UPP2: variants seen among roughly 807,000 people sequenced by gnomAD.
The protein encoded by UPP2 is UPase 2.
A neutral mutation model predicts 26.7 loss-of-function variants in UPP2; 23 were observed. The observed-to-expected ratio is 0.86, with a 90% CI of 0.62 to 1.22. UPP2 has a LOEUF of 1.22. UPP2 is among the 50% of genes most tolerant of loss of function. The pLI is 0.00. For missense variants in UPP2, 387 were observed against 396.7 expected, an observed-to-expected ratio of 0.98 and a Z score of 0.21; for synonymous variants, 127 against 141.3, an observed-to-expected ratio of 0.90 and a Z score of 0.72.
At chr2:158,112,478 T>A (rs1374928818) in intron 2 of UPP2, among the ~76,000 whole-genome samples, 1 of 152,162 alleles carries the variant, frequency 6.6e-6, no homozygotes. Flanking sequence ...GACCTAAATG[T>A]AAGGCTTAAT....
intron 4 of UPP2, among the ~76,000 whole-genome samples, chr2:158,119,978 T>C (rs888759342): frequency 6.7e-6 from 1 of 150,020 alleles, no homozygotes; most frequent in Admixed American, 6.7e-5. Context: ...CCCACTACAT[T>C]ACAGCCTGGG....
rs771866576 is a variant in UPP2 at position 158,115,250 on chromosome 2, C to T, written c.330C>T (p.Leu110=). 1.1e-5 allele frequency: 17 copies of T among 1,606,266 alleles called. 1 individual carries two copies. The South Asian group carries it at 1.1e-4, about 11-fold the overall frequency. ...RYCMYKTGPV[L]AISHGMGIPS... is the part of the protein sequence containing the mutation. ...GTATGTACAAAACCGGGCCTGTGCT[C>T]GCCATCAGTGTAAGTATCCATGGTT... is the stretch of plus-strand genomic sequence containing the variant. The change falls in exon 3 of 7, where the codon CTC becomes CTT. Residue 110 remains leucine, a synonymous_variant. Coordinates refer to ENST00000005756, the MANE Select transcript of UPP2 (RefSeq NM_173355.4).
At chr2:158,130,458 A>AC (rs369440054) in intron 6 of UPP2, among the ~76,000 whole-genome samples, 1,529 of 73,544 alleles carry the variant, frequency 0.021, 34 homozygotes, top group African/African-American at 0.083. Flanking sequence ...CTCAAAAAAA[A>AC]AAACAAAAAA....
chr2:158,063,112 G>A (rs745410113), intron 3 of UPP2, among the ~76,000 whole-genome samples: 1 of 152,150 alleles, frequency 6.6e-6, no homozygotes, highest in Non-Finnish European at 1.5e-5. Flanking sequence ...TTTCTTGAAT[G>A]ATTTAACTTT....
chr2:158,020,072 C>T (rs1683725014), intron 3 of UPP2, among the ~76,000 whole-genome samples: 1 of 152,068 alleles, frequency 6.6e-6, no homozygotes, highest in African/African-American at 2.4e-5. Flanking sequence ...CTTGAAAGGC[C>T]CAGACTTGCT....
chr2:158,056,047 G>C (rs1271033145), intron 3 of UPP2, among the ~76,000 whole-genome samples: 1 of 152,146 alleles, frequency 6.6e-6, no homozygotes, highest in East Asian at 1.9e-4. Context: ...GATGCCTTTA[G>C]GATGATCGCT....
upstream of UPP2, among the ~76,000 whole-genome samples, chr2:158,100,819 G>C (rs556055715): frequency 3.9e-4 from 59 of 152,254 alleles, 1 homozygote; most frequent in South Asian, 0.012. Flanking sequence ...AGGCTACATG[G>C]ATTCCCCAAT....
At chr2:158,065,833 A>G in intron 3 of UPP2, 1 of 683,436 alleles carries the variant, frequency 1.5e-6, no homozygotes, top group Non-Finnish European at 2.7e-6. Flanking sequence ...AAAGAACCTC[A>G]TTGTTGTACT....
At chr2:158,006,245 G>T (rs1335658687) in intron 2 of UPP2, among the ~76,000 whole-genome samples, 1 of 152,198 alleles carries the variant, frequency 6.6e-6, no homozygotes, top group Non-Finnish European at 1.5e-5. Context: ...AGATCACGAG[G>T]TCAGGAGATC....
intron 3 of UPP2, among the ~76,000 whole-genome samples, chr2:158,030,471 A>G (rs1683906402): frequency 1.3e-5 from 2 of 152,208 alleles, no homozygotes; most frequent in South Asian, 4.1e-4. Flanking sequence ...TATAATCACC[A>G]TATAGATTTC....
At chr2:158,047,645 T>G (rs916546139) in intron 3 of UPP2, among the ~76,000 whole-genome samples, 5 of 152,212 alleles carry the variant, frequency 3.3e-5, no homozygotes, top group Admixed American at 6.5e-5. Flanking sequence ...CACTTCATTA[T>G]CAGTATCTGT....
chr2:158,068,429 T>C (rs924378929), intron 3 of UPP2, among the ~76,000 whole-genome samples: 6 of 152,150 alleles, frequency 3.9e-5, no homozygotes, highest in Non-Finnish European at 5.9e-5. Flanking sequence ...CTTGATTTTA[T>C]GTAAATGAGC....
intron 3 of UPP2, among the ~76,000 whole-genome samples, chr2:158,077,068 A>G (rs1218393150): frequency 6.6e-6 from 1 of 152,112 alleles, no homozygotes; most frequent in East Asian, 1.9e-4. Context: ...TCTTATTTAC[A>G]ACAGCCACAC....
intron 2 of UPP2, among the ~76,000 whole-genome samples, chr2:158,113,042 C>T (rs187565924): frequency 8.8e-4 from 134 of 152,242 alleles, no homozygotes; most frequent in Non-Finnish European, 1.6e-3. Context: ...GCAGCCAGAC[C>T]GAAAATTGTG....
intron 3 of UPP2, among the ~76,000 whole-genome samples, chr2:158,027,203 C>A (rs1317918957): frequency 6.6e-6 from 1 of 152,074 alleles, no homozygotes; most frequent in African/African-American, 2.4e-5. Flanking sequence ...GTCCACAGTC[C>A]AAAGTCTCAT....
intron 6 of UPP2, among the ~76,000 whole-genome samples, chr2:158,130,618 T>A (rs1683799461): frequency 6.6e-6 from 1 of 152,192 alleles, no homozygotes; most frequent in African/African-American, 2.4e-5. Flanking sequence ...ATAAAAGGTA[T>A]GGGACAATTC....
chr2:158,088,074 T>C (rs754338636), intron 3 of UPP2, among the ~76,000 whole-genome samples: 3 of 152,244 alleles, frequency 2.0e-5, no homozygotes, highest in African/African-American at 2.4e-5. Flanking sequence ...CTCTCAAATA[T>C]GTTTTCCAAA....
chr2:158,058,636 T>A (rs1448323000), intron 3 of UPP2, among the ~76,000 whole-genome samples: 2 of 152,110 alleles, frequency 1.3e-5, no homozygotes, highest in African/African-American at 2.4e-5. Flanking sequence ...GTATTTTTTT[T>A]AAGACAGCCC....
At chr2:158,099,342 G>A (rs946293079), upstream of UPP2, among the ~76,000 whole-genome samples, 2 of 152,202 alleles carry the variant, frequency 1.3e-5, no homozygotes, top group African/African-American at 4.8e-5. Context: ...CATTGCTGGT[G>A]CTATGGGCTG....
Sources: gnomAD v4.1 joint callset for allele counts (sites outside exome capture counted in the v4.1 genomes callset) on GRCh38, gnomAD v4.1.1 for gene constraint, MANE v1.5 for transcripts, NCBI Gene and HGNC (gene_info 2026-07-23, HGNC 2026-07-21) for gene names.